COL18A1: variants seen among roughly 807,000 people sequenced by gnomAD.
COL18A1 encodes collagen alpha-1(XVIII) chain.
In COL18A1, 133 loss-of-function variants were observed where a neutral mutation model predicts 168.0. The observed-to-expected ratio is 0.79, with a 90% CI of 0.69 to 0.91. The LOEUF is 0.91. Among genes scored for constraint, COL18A1 ranks in the 40% least tolerant of loss-of-function variants. The pLI, the probability that COL18A1 is intolerant of heterozygous loss-of-function variation, is 0.00. For synonymous variants in COL18A1, 949 were observed against 809.0 expected (o/e 1.17, Z -2.94); for missense variants, 2,126 against 1,925.4 (o/e 1.10, Z -1.95).
Position 45,468,287 on chromosome 21 carries a change from C to T in COL18A1, c.152C>T (p.Pro51Leu), listed in dbSNP as rs761392315. The change falls in exon 3 of 42, where the codon CCC (proline) becomes CTC (leucine). Residue 51 changes from proline to leucine, a missense_variant. Physicochemically the swap from Pro to Leu is moderately conservative, Grantham distance 98 (BLOSUM62 -3). Transcript: ENST00000651438. ...GGGCTGCTGCAGCTCCTTGGGGACC[C>T]CCCGCCCCAGCAGGTCACCCAGACG... ...EVGLLQLLGD[P>L]PPQQVTQTDD... 2.5e-6 allele frequency: 4 copies of T among 1,613,232 alleles called. No individual in the cohort carries two copies. The highest frequency in any genetic ancestry group is 3.4e-6 in the Non-Finnish European group (4 of 1,180,038).
intron 32 of COL18A1, among the ~76,000 whole-genome samples, chr21:45,499,108 A>G (rs1414662302): frequency 1.3e-5 from 2 of 152,248 alleles, no homozygotes; most frequent in African/African-American, 4.8e-5. Context: ...AGATTTCTCA[A>G]CAAAACGGGA....
rs796975388 is a variant in COL18A1, at chr21:45,473,050, C to T, written c.652-845C>T. Among the ~76,000 whole-genome samples the T allele has an allele frequency of 3.9e-5, 6 of 152,214 alleles. No homozygotes were observed. Among genetic ancestry groups the T allele is most frequent in the African/African-American group, 1.4e-4 (6 of 41,472 alleles). On this transcript the variant is annotated intron_variant, in intron 3 of 41. Coordinates refer to ENST00000651438, the MANE Select transcript of COL18A1 (RefSeq NM_001379500.1). The surrounding 1 kb of genome is among the most constrained non-coding windows in gnomAD (Gnocchi z 4.0). The stretch of plus-strand genomic sequence containing the variant: ...AGGCCAGGATGCAGAACCCGCAGTG[C>T]GGCCAGTGGAGCCCCTGGTACTGTG...
chr21:45,498,229 T>A lies in COL18A1; in HGVS notation c.2683+568T>A, dbSNP rs939887815. The A allele has an allele frequency of 8.5e-6, 6 of 703,222 alleles. No homozygotes were observed. Among genetic ancestry groups the A allele is most frequent in the Non-Finnish European group, 1.6e-5 (6 of 384,472 alleles). The allele number at this position is 703,222 out of a possible 1,614,324, so 43.6% of individuals were successfully genotyped here. On this transcript the variant is annotated intron_variant, in intron 32 of 41. Coordinates refer to ENST00000651438, the MANE Select transcript of COL18A1 (RefSeq NM_001379500.1). This position sits in a 1 kb window ranked among gnomAD's most constrained non-coding sequence, Gnocchi z 4.5. ...ATGTGAGAAAACCACTGTTTGAGGA[T>A]GTCTGGGGGCTGGCAGAGCAGAAGC...
chr21:45,417,316 A>G (rs926555679), intron 2 of COL18A1, among the ~76,000 whole-genome samples: 1 of 151,868 alleles, frequency 6.6e-6, no homozygotes, highest in African/African-American at 2.4e-5. Flanking sequence ...GGCTTGCCTT[A>G]CCTCCTTCTG....
At chr21:45,505,071 G>A (rs2037109988) in intron 34 of COL18A1, 63 bp from the exon 35 acceptor site, 7 of 1,575,412 alleles carry the variant, frequency 4.4e-6, no homozygotes, top group Non-Finnish European at 6.0e-6. Context: ...AGCCCCACAA[G>A]CTTGCCCGCC....
intron 2 of COL18A1, among the ~76,000 whole-genome samples, chr21:45,431,658 A>G (rs1182474222): frequency 1.3e-5 from 2 of 152,004 alleles, no homozygotes; most frequent in Middle Eastern, 3.4e-3. Context: ...AAGCCCCCGG[A>G]AAGTGGTGAT....
chr21:45,429,187 C>T (rs772514528), intron 2 of COL18A1, among the ~76,000 whole-genome samples: 40 of 151,986 alleles, frequency 2.6e-4, no homozygotes, highest in Non-Finnish European at 5.4e-4. Context: ...AGGCGTGAGC[C>T]ACCGCGCCCA....
chr21:45,473,877 T>C lies in COL18A1; in HGVS notation c.652-18T>C. The stretch of plus-strand genomic sequence containing the variant: ...CACCTCAGGACCGCTGGTGACCCCT[T>C]TCTCTGTCTGCATTTAGGGGGTGAT... On this transcript the variant is annotated intron_variant, in intron 3 of 41. Coordinates refer to ENST00000651438, the MANE Select transcript of COL18A1 (RefSeq NM_001379500.1). The surrounding 1 kb of genome is among the most constrained non-coding windows in gnomAD (Gnocchi z 4.0). The C allele has an allele frequency of 6.3e-7, 1 of 1,583,994 alleles. No individual in the cohort carries two copies. The highest frequency in any genetic ancestry group is 1.3e-5 in the African/African-American group (1 of 74,178).
chr21:45,500,152 CATGTGGGTGT>C (rs2036693501), intron 32 of COL18A1, among the ~76,000 whole-genome samples: 1 of 54,990 alleles, frequency 1.8e-5, no homozygotes, highest in Admixed American at 1.7e-4. Context: ...GGAGTGTGTG[CATGTGGGTGT>C]GTAGTGTGGG....
At chr21:45,453,038 A>G (rs556274552) in intron 2 of COL18A1, among the ~76,000 whole-genome samples, 1 of 150,716 alleles carries the variant, frequency 6.6e-6, no homozygotes, top group African/African-American at 2.4e-5. Flanking sequence ...TTCATGTGTG[A>G]CATGTAAGCA....
At chr21:45,433,464 G>C (rs1255174240) in intron 2 of COL18A1, among the ~76,000 whole-genome samples, 1 of 152,180 alleles carries the variant, frequency 6.6e-6, no homozygotes, top group East Asian at 1.9e-4. Flanking sequence ...CAGGGCCACA[G>C]AGCACCAAGA....
At chr21:45,510,814 A>G (rs1279135090) in intron 40 of COL18A1, among the ~76,000 whole-genome samples, 1 of 152,022 alleles carries the variant, frequency 6.6e-6, no homozygotes, top group East Asian at 1.9e-4. Flanking sequence ...GTTAGGGGAC[A>G]GGGTCCCCTG....
rs1057308149 is a variant in COL18A1, at chr21:45,498,664, C to T, written c.2683+1003C>T. On this transcript the variant is annotated intron_variant, in intron 32 of 41. Coordinates refer to ENST00000651438, the MANE Select transcript of COL18A1 (RefSeq NM_001379500.1). This position sits in a 1 kb window ranked among gnomAD's most constrained non-coding sequence, Gnocchi z 4.5. ...CAAGCGGGAAGATGGAAGATGTGCCCATGCCAGCCTTGGATCTCTCAGCGT... is the reference window on the plus strand; with the variant it reads ...CAAGCGGGAAGATGGAAGATGTGCCTATGCCAGCCTTGGATCTCTCAGCGT... 1.1e-4 allele frequency: 77 copies of T among 684,454 alleles called. No individual in the cohort carries two copies. The South Asian group carries it at 1.2e-3, about 10-fold the overall frequency. 42.4% of individuals were successfully genotyped at this position (684,454 alleles called of 1,614,324 possible).
intron 26 of COL18A1, chr21:45,494,244 G>GCCCTTCA: frequency 2.2e-6 from 1 of 447,290 alleles, no homozygotes; most frequent in South Asian, 2.3e-5. Context: ...CGTGGCACAT[G>GCCCTTCA]CCCTCCACCC....
intron 36 of COL18A1, 80 bp downstream of exon 36, chr21:45,505,511 C>G: frequency 1.3e-6 from 1 of 782,790 alleles, no homozygotes; most frequent in Non-Finnish European, 2.2e-6. Context: ...CAGAGACACT[C>G]TCCCACGGAC....
At chr21:45,433,729 A>G (rs1000124397) in intron 2 of COL18A1, among the ~76,000 whole-genome samples, 2 of 152,092 alleles carry the variant, frequency 1.3e-5, no homozygotes, top group African/African-American at 4.8e-5. Context: ...TTTTCTTTAC[A>G]CTGACAGGCA....
intron 15 of COL18A1, among the ~76,000 whole-genome samples, chr21:45,484,400 C>T (rs201085051): frequency 6.4e-5 from 4 of 62,920 alleles, no homozygotes; most frequent in Non-Finnish European, 1.3e-4. Flanking sequence ...CATGTGTGTA[C>T]ACACACACAC....
intron 3 of COL18A1, among the ~76,000 whole-genome samples, chr21:45,472,414 G>A (rs2035470481): frequency 6.6e-6 from 1 of 152,256 alleles, no homozygotes; most frequent in South Asian, 2.1e-4. Context: ...TAGTAGAGAC[G>A]GGGTTTCCCC....
At chr21:45,469,577 C>A (rs4818778) in intron 3 of COL18A1, among the ~76,000 whole-genome samples, 76 of 152,200 alleles carry the variant, frequency 5.0e-4, no homozygotes, top group Middle Eastern at 3.4e-3. Context: ...GGGGGGTGGA[C>A]AGATCCCTAA....
Sources: gnomAD v4.1 joint callset for allele counts (sites outside exome capture counted in the v4.1 genomes callset) on GRCh38, gnomAD v4.1.1 for gene constraint, Gnocchi (gnomAD v3.1) non-coding constraint, MANE v1.5 for transcripts, NCBI Gene and HGNC (gene_info 2026-07-23, HGNC 2026-07-21) for gene names.